ZDHHC14: variants seen among roughly 807,000 people sequenced by gnomAD.
The protein encoded by ZDHHC14 is palmitoyltransferase ZDHHC14.
Under a neutral mutation model 47.7 loss-of-function variants are expected in ZDHHC14, and 16 were observed. That is an observed-to-expected ratio of 0.34 (90% CI 0.23 to 0.51). The LOEUF (loss-of-function observed/expected upper bound fraction) is 0.51. Among genes scored for constraint, ZDHHC14 ranks in the 20% least tolerant of loss-of-function variants. The probability of loss-of-function intolerance (pLI) is 0.97; values close to 1 mark genes in which losing one functional copy is unlikely to be tolerated. For missense variants in ZDHHC14, 515 were observed against 662.5 expected, an observed-to-expected ratio of 0.78 and a Z score of 2.44; for synonymous variants, 293 against 278.9, an observed-to-expected ratio of 1.05 and a Z score of -0.50.
chr6:157,630,464 CTT>C (rs906842695), intron 4 of ZDHHC14: 4 of 152,138 alleles, frequency 2.6e-5, no homozygotes, highest in African/African-American at 7.2e-5. Context: ...CACTCACACT[CTT>C]ACCCACACTC....
At chr6:157,382,628 G>A (rs901813436) in intron 1 of ZDHHC14, among the ~76,000 whole-genome samples, 2 of 152,208 alleles carry the variant, frequency 1.3e-5, no homozygotes, top group South Asian at 2.1e-4. Flanking sequence ...GTAGCCTGCC[G>A]TGGGAAGGTG....
At chr6:157,512,673 T>C (rs1369254901) in intron 1 of ZDHHC14, among the ~76,000 whole-genome samples, 1 of 152,040 alleles carries the variant, frequency 6.6e-6, no homozygotes, top group Non-Finnish European at 1.5e-5. Context: ...CAAGTCCCAG[T>C]TCTCCACAAA....
At chr6:157,664,248 T>G (rs1404127989) in intron 8 of ZDHHC14, among the ~76,000 whole-genome samples, 1 of 152,262 alleles carries the variant, frequency 6.6e-6, no homozygotes, top group African/African-American at 2.4e-5. Flanking sequence ...AATCTACTGC[T>G]AACTTCATCC....
chr6:157,535,531 C>G (rs142076710), intron 1 of ZDHHC14, among the ~76,000 whole-genome samples: 64 of 152,356 alleles, frequency 4.2e-4, no homozygotes, highest in African/African-American at 1.3e-3. Flanking sequence ...CCTCCATGCT[C>G]TCTGGGTTTG....
At chr6:157,458,849 A>ATTTCTTTTTTTTT (rs1778991732) in intron 1 of ZDHHC14, among the ~76,000 whole-genome samples, 1 of 81,226 alleles carries the variant, frequency 1.2e-5, no homozygotes, top group African/African-American at 4.6e-5. Flanking sequence ...ATGTGGGTGG[A>ATTTCTTTTTTTTT]TTTTTTTTTT....
At chr6:157,652,135 G>C (rs1235648185) in intron 7 of ZDHHC14, among the ~76,000 whole-genome samples, 1 of 152,208 alleles carries the variant, frequency 6.6e-6, no homozygotes, top group African/African-American at 2.4e-5. Context: ...CTTGTTGCCT[G>C]TTGTTTTTTC....
intron 1 of ZDHHC14, among the ~76,000 whole-genome samples, chr6:157,390,097 A>G (rs886637898): frequency 1.3e-5 from 2 of 151,916 alleles, no homozygotes; most frequent in Admixed American, 6.6e-5. Flanking sequence ...GCTGGTGACA[A>G]ATTATCTTGG....
intron 2 of ZDHHC14, among the ~76,000 whole-genome samples, chr6:157,558,020 G>A (rs1051903716): frequency 3.3e-5 from 5 of 152,216 alleles, no homozygotes; most frequent in Non-Finnish European, 7.3e-5. Flanking sequence ...GTAAAAAGAA[G>A]CAGGTGAAGT....
intron 1 of ZDHHC14, among the ~76,000 whole-genome samples, chr6:157,495,319 G>A (rs1780034437): frequency 6.6e-6 from 1 of 152,038 alleles, no homozygotes; most frequent in South Asian, 2.1e-4. Flanking sequence ...TGCCTTTCCT[G>A]TTTCATTCAT....
At chr6:157,597,299 A>G (rs975664719) in intron 3 of ZDHHC14, among the ~76,000 whole-genome samples, 2 of 152,248 alleles carry the variant, frequency 1.3e-5, no homozygotes, top group East Asian at 1.9e-4. Context: ...CGGGCTCACT[A>G]TGTATGTTTT....
chr6:157,424,555 G>C (rs1778177904), intron 1 of ZDHHC14, among the ~76,000 whole-genome samples: 1 of 152,198 alleles, frequency 6.6e-6, no homozygotes, highest in African/African-American at 2.4e-5. Flanking sequence ...CTGATTAGCA[G>C]AGTCAGAGAG....
intron 2 of ZDHHC14, among the ~76,000 whole-genome samples, chr6:157,555,851 T>C (rs1003576966): frequency 2.0e-5 from 3 of 152,144 alleles, no homozygotes; most frequent in African/African-American, 4.8e-5. Flanking sequence ...AAATGTCCCC[T>C]TGGGCACAAA....
chr6:157,477,150 G>A (rs1401487864), intron 1 of ZDHHC14, among the ~76,000 whole-genome samples: 1 of 152,176 alleles, frequency 6.6e-6, no homozygotes, highest in Non-Finnish European at 1.5e-5. Flanking sequence ...GTAGGCTGAG[G>A]GGGGTGGTCA....
chr6:157,524,185 A>G lies in ZDHHC14; in HGVS notation c.246-18400A>G, dbSNP rs193240999. Among the ~76,000 whole-genome samples the G allele has an allele frequency of 3.9e-3, 586 of 151,008 alleles. 4 individuals carry two copies. Among genetic ancestry groups the G allele is most frequent in the African/African-American group, 0.014 (562 of 41,042 alleles). On this transcript the variant is annotated intron_variant, in intron 1 of 8. Transcript: ENST00000359775. ...CACTTTGTTGCCCAGGCTGGAGTGC[A>G]ATGGTGTGATCTTGGCTCACTGCAA...
At chr6:157,432,319 A>G (rs1368321226) in intron 1 of ZDHHC14, among the ~76,000 whole-genome samples, 1 of 152,196 alleles carries the variant, frequency 6.6e-6, no homozygotes, top group East Asian at 1.9e-4. Context: ...GGTGCTCAAC[A>G]ACTGGGTTGA....
chr6:157,443,751 A>G (rs1024846237), intron 1 of ZDHHC14, among the ~76,000 whole-genome samples: 4 of 152,200 alleles, frequency 2.6e-5, no homozygotes, highest in Non-Finnish European at 4.4e-5. Context: ...CTCTGGCCCA[A>G]TTGATCGACT....
At chr6:157,593,692 G>A (rs1784008186) in intron 3 of ZDHHC14, among the ~76,000 whole-genome samples, 1 of 152,260 alleles carries the variant, frequency 6.6e-6, no homozygotes, top group Non-Finnish European at 1.5e-5. Context: ...AACAGGCAGA[G>A]GGAACTGAGA....
intron 2 of ZDHHC14, among the ~76,000 whole-genome samples, chr6:157,579,015 C>T (rs1180104151): frequency 2.6e-5 from 4 of 152,078 alleles, no homozygotes; most frequent in African/African-American, 7.2e-5. Context: ...ATGCTTCCAG[C>T]TTTGTTCTTT....
chr6:157,554,221 G>A (rs1487217477), intron 2 of ZDHHC14, among the ~76,000 whole-genome samples: 1 of 152,226 alleles, frequency 6.6e-6, no homozygotes, highest in Non-Finnish European at 1.5e-5. Flanking sequence ...GAATGAGGGA[G>A]TGGTTCTTTA....
Sources: gnomAD v4.1 joint callset for allele counts (sites outside exome capture counted in the v4.1 genomes callset) on GRCh38, gnomAD v4.1.1 for gene constraint, MANE v1.5 for transcripts, NCBI Gene and HGNC (gene_info 2026-07-23, HGNC 2026-07-21) for gene names.